WDR7: variants seen among roughly 807,000 people sequenced by gnomAD.
WDR7 encodes the protein WD repeat-containing protein 7.
WDR7 carries 46 observed loss-of-function variants against 169.4 expected under a neutral mutation model. The ratio of observed to expected loss-of-function variants is 0.27; its 90% CI spans 0.21 to 0.35. The LOEUF (loss-of-function observed/expected upper bound fraction) is 0.35. Among genes scored for constraint, WDR7 ranks in the 10% least tolerant of loss-of-function variants. WDR7 has a pLI of 1.00. For missense variants in WDR7, 1,534 were observed against 1,859.3 expected (o/e 0.83, Z 3.22); for synonymous variants, 612 against 666.8 (o/e 0.92, Z 1.27).
chr18:56,827,215 T>G (rs1175422023), intron 20 of WDR7, among the ~76,000 whole-genome samples: 1 of 152,196 alleles, frequency 6.6e-6, no homozygotes, highest in African/African-American at 2.4e-5. Context: ...CCTTACTTGT[T>G]CATTGTATGC....
chr18:56,878,073 G>A (rs1236631482), intron 20 of WDR7, among the ~76,000 whole-genome samples: 4 of 152,068 alleles, frequency 2.6e-5, no homozygotes, highest in Non-Finnish European at 5.9e-5. Flanking sequence ...AACTAAAAAA[G>A]GGTAGAACTA....
intron 20 of WDR7, among the ~76,000 whole-genome samples, chr18:56,828,969 T>C (rs2045261243): frequency 1.3e-5 from 2 of 151,942 alleles, no homozygotes; most frequent in South Asian, 4.2e-4. Context: ...GTCTTGCCCC[T>C]TGATACTTTC....
At chr18:56,902,831 A>G (rs545833698) in intron 21 of WDR7, among the ~76,000 whole-genome samples, 1 of 152,346 alleles carries the variant, frequency 6.6e-6, no homozygotes, top group Non-Finnish European at 1.5e-5. Context: ...CTTTTACTGC[A>G]GCAGCATAAG....
chr18:56,820,381 T>C (rs2045073674), intron 20 of WDR7, among the ~76,000 whole-genome samples: 1 of 122,024 alleles, frequency 8.2e-6, no homozygotes, highest in African/African-American at 3.2e-5. Context: ...TGATACTAGA[T>C]CAGCAGCACA....
At chr18:56,835,804 T>G (rs1302823770) in intron 20 of WDR7, among the ~76,000 whole-genome samples, 1 of 152,188 alleles carries the variant, frequency 6.6e-6, no homozygotes, top group African/African-American at 2.4e-5. Context: ...ATTCACATAC[T>G]GTATTAGTTT....
At chr18:57,036,123 C>G in the WDR7 span, 1 of 152,274 alleles carries the variant, frequency 6.6e-6, no homozygotes, top group Non-Finnish European at 1.5e-5. Context: ...GCAGCTGCGA[C>G]AGCAGGGGTT....
At chr18:56,758,754 A>G (rs529172141) in intron 15 of WDR7, 111 bp from the exon 16 acceptor site, 3 of 733,650 alleles carry the variant, frequency 4.1e-6, no homozygotes, top group East Asian at 6.1e-5. Flanking sequence ...AAAATGTTCT[A>G]TATATGTTTC....
chr18:56,655,106 A>G (rs35498978), intron 1 of WDR7, among the ~76,000 whole-genome samples: 10,377 of 152,276 alleles, frequency 0.068, 522 homozygotes, highest in East Asian at 0.24. Context: ...TTATTTTGAT[A>G]TAATTATAGG....
chr18:56,672,588 G>C lies in WDR7; in HGVS notation c.73G>C (p.Val25Leu). The C allele has an allele frequency of 6.2e-7, 1 of 1,613,296 alleles. No homozygotes were observed. Among genetic ancestry groups the C allele is most frequent in the Non-Finnish European group, 8.5e-7 (1 of 1,179,610 alleles). Reference sequence around the variant, plus strand: ...AGCGCCCACACATTGCATCTCAGCCGTACTTTTAACAGATGATGGGGCCAC... The same window carrying C: ...AGCGCCCACACATTGCATCTCAGCCCTACTTTTAACAGATGATGGGGCCAC... ...RKAPTHCISAVLLTDDGATIV... is the reference protein window; with the variant it reads ...RKAPTHCISALLLTDDGATIV... The change falls in exon 2 of 28, where the codon GTA (valine) becomes CTA (leucine). Residue 25 changes from valine to leucine, a missense_variant. Val to Leu is a conservative substitution (Grantham distance 32, BLOSUM62 1). Coordinates refer to ENST00000254442, the MANE Select transcript of WDR7 (RefSeq NM_015285.3).
At chr18:56,892,652 CAGAA>C (rs2046279536) in intron 21 of WDR7, among the ~76,000 whole-genome samples, 1 of 152,036 alleles carries the variant, frequency 6.6e-6, no homozygotes, top group Non-Finnish European at 1.5e-5. Flanking sequence ...CCTGCAAAGC[CAGAA>C]ATATTCACTG....
Position 56,731,581 on chromosome 18 carries a change from C to T in WDR7, c.1973C>T (p.Ser658Phe). 6.2e-7 allele frequency: 1 copy of T among 1,613,918 alleles called. No homozygotes were observed. Among genetic ancestry groups the T allele is most frequent in the African/African-American group, 1.3e-5 (1 of 75,056 alleles). ...LQTLATNLLA[S>F]EASDKGNLPK... ...ACCCTTGCAACTAACCTCTTGGCTT[C>T]TGAGGCATCTGACAAGGTAAGTTTT... The change falls in exon 14 of 28, where the codon TCT (serine) becomes TTT (phenylalanine). Residue 658 changes from serine to phenylalanine, a missense_variant. Transcript: ENST00000254442.
chr18:56,954,106 A>G (rs779532915), intron 25 of WDR7, among the ~76,000 whole-genome samples: 2 of 152,212 alleles, frequency 1.3e-5, no homozygotes, highest in Non-Finnish European at 2.9e-5. Flanking sequence ...CTTGGGATAT[A>G]ATTTTCTCTA....
intron 8 of WDR7, 145 bp downstream of exon 8, chr18:56,691,506 T>A: frequency 9.0e-7 from 1 of 1,107,942 alleles, no homozygotes; most frequent in Non-Finnish European, 1.2e-6. Context: ...AGATTTTTAA[T>A]TCCAATTTAA....
At chr18:56,984,907 G>T (rs141702826) in intron 26 of WDR7, among the ~76,000 whole-genome samples, 2 of 152,154 alleles carry the variant, frequency 1.3e-5, no homozygotes, top group Non-Finnish European at 2.9e-5. Context: ...TTGCCCTTCA[G>T]CTGTGTGCAG....
intron 26 of WDR7, among the ~76,000 whole-genome samples, chr18:57,020,185 CAT>C (rs1312715133): frequency 1.3e-5 from 2 of 152,192 alleles, no homozygotes; most frequent in Admixed American, 6.5e-5. Flanking sequence ...AAACCTCCCA[CAT>C]GTGTGTGGAT....
At chr18:56,727,333 T>C (rs943044314) in intron 13 of WDR7, among the ~76,000 whole-genome samples, 1 of 150,308 alleles carries the variant, frequency 6.7e-6, no homozygotes, top group Non-Finnish European at 1.5e-5. Context: ...ACAGGTTTAG[T>C]TGGGAATGGA....
chr18:56,790,806 C>A (rs2044472221), intron 19 of WDR7, among the ~76,000 whole-genome samples: 1 of 152,020 alleles, frequency 6.6e-6, no homozygotes, highest in Admixed American at 6.5e-5. Flanking sequence ...TCGTGCATGA[C>A]ATTTGCAGAC....
At chr18:56,799,462 T>C (rs1475964654) in intron 19 of WDR7, among the ~76,000 whole-genome samples, 1 of 152,174 alleles carries the variant, frequency 6.6e-6, no homozygotes, top group Non-Finnish European at 1.5e-5. Flanking sequence ...TAATACTTGT[T>C]ACTGATACTC....
At chr18:56,889,242 C>G (rs1403914120) in intron 21 of WDR7, among the ~76,000 whole-genome samples, 1 of 152,140 alleles carries the variant, frequency 6.6e-6, no homozygotes, top group Non-Finnish European at 1.5e-5. Flanking sequence ...TTACGTGTGT[C>G]CCAGTTCTCT....
Sources: gnomAD v4.1 joint callset for allele counts (sites outside exome capture counted in the v4.1 genomes callset) on GRCh38, gnomAD v4.1.1 for gene constraint, MANE v1.5 for transcripts, NCBI Gene and HGNC (gene_info 2026-07-23, HGNC 2026-07-21) for gene names.